Variants in TMEM247 observed in about 807,000 individuals in gnomAD.
TMEM247 encodes transmembrane protein 247, also known as transmembrane protein ENSP00000343375.
TMEM247 carries 23 observed loss-of-function variants against 20.7 expected under a neutral mutation model. That is an observed-to-expected ratio of 1.11 (90% CI 0.80 to 1.57). TMEM247 has a LOEUF of 1.57. Ranked by LOEUF, TMEM247 falls within the 40% of genes most tolerant of loss-of-function variation. The probability of loss-of-function intolerance (pLI) is 0.00; values close to 1 mark genes in which losing one functional copy is unlikely to be tolerated. For synonymous variants in TMEM247, 106 were observed against 111.9 expected, an observed-to-expected ratio of 0.95 and a Z score of 0.33; for missense variants, 354 against 283.8, an observed-to-expected ratio of 1.25 and a Z score of -1.78.
chr2:46,484,164 G>A (rs1686942699), intron 2 of TMEM247, 80 bp from the exon 3 acceptor site: 1 of 1,259,308 alleles, frequency 7.9e-7, no homozygotes, highest in East Asian at 2.6e-5. Flanking sequence ...CATACAGGCA[G>A]GGTCAGAGCA....
chr2:46,481,103 G>A (rs955563563), intron 2 of TMEM247, among the ~76,000 whole-genome samples: 2 of 152,132 alleles, frequency 1.3e-5, no homozygotes, highest in Non-Finnish European at 2.9e-5. Flanking sequence ...AGCCTTTTTG[G>A]TAGCTTCAAG....
chr2:46,480,517 G>T, exon 2 of TMEM247: 1 of 1,551,722 alleles, frequency 6.4e-7, no homozygotes, highest in Non-Finnish European at 8.7e-7. Flanking sequence ...AAGTCCTGCC[G>T]TGCTACCAAA....
intron 2 of TMEM247, among the ~76,000 whole-genome samples, chr2:46,482,121 T>C (rs953853958): frequency 6.6e-6 from 1 of 152,352 alleles, no homozygotes; most frequent in South Asian, 2.1e-4. Context: ...AATGAGCACG[T>C]GCTGGCTTCT....
intron 1 of TMEM247, 61 bp from the exon 2 acceptor site, chr2:46,480,344 T>C (rs1686855043): frequency 6.9e-7 from 1 of 1,457,490 alleles, no homozygotes; most frequent in Non-Finnish European, 9.0e-7. Context: ...TTCCATGGGG[T>C]CAGGGGCAGC....
rs1686844749 is a variant in TMEM247, at chr2:46,479,851, C to T, written c.117+149C>T. ...CCCTGTAACTGGCACCAGCTGTCAC[C>T]AGGGACCAGGTAGCCCTCCATAAGA... On this transcript the variant is annotated intron_variant, in intron 1 of 2. Transcript: ENST00000434431. 1.9e-5 allele frequency: 12 copies of T among 634,358 alleles called. No homozygotes were observed. In the East Asian group the frequency reaches 3.4e-4, roughly 18 times the overall value. The allele number at this position is 634,358 out of a possible 1,614,324, so 39.3% of individuals were successfully genotyped here.
exon 3 of TMEM247, chr2:46,484,264 C>A (rs547821293): frequency 3.6e-5 from 56 of 1,550,790 alleles, no homozygotes; most frequent in Middle Eastern, 1.7e-4. Flanking sequence ...GCCTCCAGAA[C>A]TTCCTGCTGC....
chr2:46,480,662 C>CCAGCAG lies in TMEM247; in HGVS notation c.379_380insAGCAGC (p.Gln126_Arg127insGlnGln), dbSNP rs1553408791. 190 of 1,121,968 alleles carry CCAGCAG rather than the reference C, an allele frequency of 1.7e-4. 1 individual carries two copies. Among genetic ancestry groups the CCAGCAG allele is most frequent in the Middle Eastern group, 2.2e-4 (1 of 4,568 alleles). The allele number at this position is 1,121,968 out of a possible 1,614,324, so 69.5% of individuals were successfully genotyped here. A position where few individuals can be genotyped will look rare whatever the true frequency, so the allele number is the denominator to read the frequency against. ...GGCTCAAGTACCTGCATGAGAAGAA[C>CCAGCAG]CAGCGGCAGCGGCAGCACGAGGTGG... is the stretch of plus-strand genomic sequence containing the variant. On this transcript the variant is annotated inframe_insertion, in exon 2 of 3. Transcript: ENST00000434431.
At chr2:46,483,309 C>T (rs976652446) in intron 2 of TMEM247, among the ~76,000 whole-genome samples, 1 of 152,148 alleles carries the variant, frequency 6.6e-6, no homozygotes, top group Admixed American at 6.5e-5. Flanking sequence ...ACAGAATTAG[C>T]CAGACAACTC....
intron 2 of TMEM247, among the ~76,000 whole-genome samples, chr2:46,483,153 A>T (rs891943774): frequency 6.6e-6 from 1 of 152,228 alleles, no homozygotes. Context: ...CAAATATTTT[A>T]AAAAATAATG....
chr2:46,484,142 G>T, intron 2 of TMEM247, 102 bp from the exon 3 acceptor site: 2 of 1,031,208 alleles, frequency 1.9e-6, no homozygotes, highest in South Asian at 3.5e-5. Flanking sequence ...TGAAGATGAT[G>T]ACTTGAGGTC....
chr2:46,482,120 G>A (rs547243221), intron 2 of TMEM247, among the ~76,000 whole-genome samples: 2 of 152,152 alleles, frequency 1.3e-5, no homozygotes, highest in Non-Finnish European at 2.9e-5. Context: ...CAATGAGCAC[G>A]TGCTGGCTTC....
chr2:46,481,859 G>C (rs919656644), intron 2 of TMEM247, among the ~76,000 whole-genome samples: 4 of 152,154 alleles, frequency 2.6e-5, no homozygotes, highest in African/African-American at 7.2e-5. Flanking sequence ...TAATTGTTGA[G>C]GAGGAAATGA....
At chr2:46,480,154 A>G (rs1686850463) in intron 1 of TMEM247, among the ~76,000 whole-genome samples, 1 of 151,988 alleles carries the variant, frequency 6.6e-6, no homozygotes, top group Admixed American at 6.5e-5. Context: ...ATGGACATCA[A>G]TCTACTCAAC....
intron 2 of TMEM247, among the ~76,000 whole-genome samples, chr2:46,482,467 T>C (rs1686907379): frequency 6.6e-6 from 1 of 152,226 alleles, no homozygotes; most frequent in African/African-American, 2.4e-5. Flanking sequence ...ATATTTATTT[T>C]ACCCCCTTTT....
chr2:46,484,257 T>A, exon 3 of TMEM247: 1 of 1,550,244 alleles, frequency 6.5e-7, no homozygotes, highest in Non-Finnish European at 8.7e-7. Context: ...TCAGGAGGCC[T>A]CCAGAACTTC....
At chr2:46,480,017 G>C (rs967185393) in intron 1 of TMEM247, among the ~76,000 whole-genome samples, 3 of 152,128 alleles carry the variant, frequency 2.0e-5, no homozygotes, top group Admixed American at 2.0e-4. Context: ...TCTCAATTCA[G>C]ACCCTGGGTT....
At position 46,484,117 on chromosome 2, in the gene TMEM247, T is replaced by C. The variant is rs908863479; in HGVS notation, c.478-127T>C. 19 of 854,096 alleles carry C rather than the reference T, an allele frequency of 2.2e-5. No individual in the cohort carries two copies. In the African/African-American group the frequency reaches 2.6e-4, roughly 12 times the overall value. The allele number at this position is 854,096 out of a possible 1,614,324, so 52.9% of individuals were successfully genotyped here. The stretch of plus-strand genomic sequence containing the variant: ...TCATGATTTTGGAAATGGGCACTAT[T>C]ACCCTTTCTTTAGGTGAAGATGATG... On this transcript the variant is annotated intron_variant, in intron 2 of 2. Coordinates refer to ENST00000434431, the Ensembl canonical transcript of TMEM247.
chr2:46,479,672 C>T (rs1323844321), exon 1 of TMEM247: 4 of 1,551,598 alleles, frequency 2.6e-6, no homozygotes, highest in South Asian at 2.4e-5. Flanking sequence ...CTGGTGACTC[C>T]AAGTCTGAAG....
chr2:46,479,576 G>A, exon 1 of TMEM247: 1 of 1,550,722 alleles, frequency 6.4e-7, no homozygotes, highest in Non-Finnish European at 8.7e-7. Flanking sequence ...GCAGCGTTCT[G>A]GTTTTCTGGA....
Sources: allele counts gnomAD v4.1 joint callset (sites outside exome capture counted in the v4.1 genomes callset), GRCh38; gene constraint gnomAD v4.1.1; transcripts MANE v1.5; gene names NCBI Gene and HGNC (gene_info 2026-07-23, HGNC 2026-07-21).